CNTN5: variants seen among roughly 807,000 people sequenced by gnomAD.
CNTN5 encodes contactin 5, also known as contactin-5.
A neutral mutation model predicts 129.1 loss-of-function variants in CNTN5; 77 were observed. That is an observed-to-expected ratio of 0.60 (90% CI 0.50 to 0.72). The LOEUF is 0.72. CNTN5 is among the 30% of genes least tolerant of loss of function. The probability of loss-of-function intolerance (pLI) is 0.00; values close to 1 mark genes in which losing one functional copy is unlikely to be tolerated. For synonymous variants in CNTN5, 509 were observed against 465.6 expected (o/e 1.09, Z -1.20); for missense variants, 1,478 against 1,328.8 (o/e 1.11, Z -1.75).
At chr11:99,497,646 A>G (rs1427264671) in intron 2 of CNTN5, among the ~76,000 whole-genome samples, 3 of 152,204 alleles carry the variant, frequency 2.0e-5, no homozygotes, top group Non-Finnish European at 4.4e-5. Context: ...AACTCAATAT[A>G]TAATCCTAAG....
intron 21 of CNTN5, among the ~76,000 whole-genome samples, chr11:100,323,118 A>G (rs1384897295): frequency 6.6e-6 from 1 of 152,208 alleles, no homozygotes; most frequent in East Asian, 1.9e-4. Context: ...CTCAGTGTAA[A>G]AAGCTGCGAA....
chr11:100,204,296 TAATATATATATATATATATATATATA>T (rs1370891912), intron 15 of CNTN5, among the ~76,000 whole-genome samples: 2 of 15,294 alleles, frequency 1.3e-4, no homozygotes, highest in Admixed American at 2.7e-3. Flanking sequence ...AAACATTGAC[TAATATATATATATATATATATATATA>T]TATATATATA....
chr11:99,282,370 G>C (rs1863739136), intron 1 of CNTN5, among the ~76,000 whole-genome samples: 1 of 151,950 alleles, frequency 6.6e-6, no homozygotes, highest in Non-Finnish European at 1.5e-5. Context: ...TCTGAGTTGA[G>C]ACGTAAAAAT....
At chr11:99,627,901 A>G (rs1255010435) in intron 3 of CNTN5, among the ~76,000 whole-genome samples, 1 of 150,436 alleles carries the variant, frequency 6.6e-6, no homozygotes, top group Non-Finnish European at 1.5e-5. Flanking sequence ...ACCATTCACC[A>G]AAATAAAATT....
chr11:100,065,241 T>G (rs190657979), intron 10 of CNTN5, among the ~76,000 whole-genome samples: 3 of 152,270 alleles, frequency 2.0e-5, no homozygotes, highest in African/African-American at 7.2e-5. Flanking sequence ...TGTTAATCGC[T>G]TCTATCGTCT....
chr11:99,396,937 A>G (rs1476386728), intron 2 of CNTN5, among the ~76,000 whole-genome samples: 1 of 151,760 alleles, frequency 6.6e-6, no homozygotes, highest in Admixed American at 6.6e-5. Context: ...CCCATTTAGT[A>G]TGAACACTTT....
chr11:99,241,323 T>TG (rs1458619791), intron 1 of CNTN5, among the ~76,000 whole-genome samples: 74 of 148,488 alleles, frequency 5.0e-4, no homozygotes, highest in Non-Finnish European at 4.5e-4. Context: ...TGTTGGTTTT[T>TG]TTTTTTTTTT....
intron 23 of CNTN5, 38 bp downstream of exon 23, chr11:100,341,243 T>G: frequency 7.1e-7 from 1 of 1,400,108 alleles, no homozygotes; most frequent in Non-Finnish European, 1.0e-6. Flanking sequence ...GATACTCATC[T>G]CCGAAATTGT....
chr11:99,574,751 G>A lies in CNTN5; in HGVS notation c.55+18482G>A, dbSNP rs181589738. 7.2e-5 allele frequency among the ~76,000 whole-genome samples: 11 copies of A among 151,964 alleles called. No homozygotes were observed. In the East Asian group the frequency reaches 2.1e-3, roughly 29 times the overall value. ...TTATGTTCTTTGCCCACTTTTTGAT[G>A]GGGTTGTTTGTTTTTTTTTCCTGTA... is the stretch of plus-strand genomic sequence containing the variant. On this transcript the variant is annotated intron_variant, in intron 3 of 24. Coordinates refer to ENST00000524871, the MANE Select transcript of CNTN5 (RefSeq NM_014361.4).
At chr11:99,253,265 A>G (rs1043121344) in intron 1 of CNTN5, among the ~76,000 whole-genome samples, 2 of 151,978 alleles carry the variant, frequency 1.3e-5, no homozygotes, top group Non-Finnish European at 2.9e-5. Flanking sequence ...TTCGCCCCTT[A>G]TTCACCTCCC....
At chr11:99,432,169 C>T (rs534982133) in intron 2 of CNTN5, among the ~76,000 whole-genome samples, 50 of 152,188 alleles carry the variant, frequency 3.3e-4, no homozygotes, top group African/African-American at 1.1e-3. Flanking sequence ...TACTCAATTG[C>T]GGGCCTAAGA....
At chr11:99,443,546 T>C (rs1943928432) in intron 2 of CNTN5, among the ~76,000 whole-genome samples, 1 of 152,240 alleles carries the variant, frequency 6.6e-6, no homozygotes, top group African/African-American at 2.4e-5. Flanking sequence ...ATGTCACTTC[T>C]CATTTGTAAA....
chr11:100,141,460 C>A (rs2138257235), intron 13 of CNTN5, among the ~76,000 whole-genome samples: 1 of 152,198 alleles, frequency 6.6e-6, no homozygotes, highest in South Asian at 2.1e-4. Context: ...GTTCTTTTGA[C>A]CTCTCTTAAT....
At chr11:100,172,181 G>T (rs548455129) in intron 13 of CNTN5, among the ~76,000 whole-genome samples, 79 of 151,912 alleles carry the variant, frequency 5.2e-4, no homozygotes, top group African/African-American at 1.9e-3. Context: ...AAAACTAATA[G>T]TAGTTACTGT....
chr11:99,176,708 A>G (rs1857791721), intron 1 of CNTN5, among the ~76,000 whole-genome samples: 1 of 152,122 alleles, frequency 6.6e-6, no homozygotes, highest in Admixed American at 6.5e-5. Flanking sequence ...CACCACCTCC[A>G]CCACTACAAC....
In CNTN5 at chr11:99,956,987, G is replaced by T. The variant is rs1448252108; in HGVS notation, c.855G>T (p.Thr285=). The part of the protein sequence containing the change: ...VTNARVLSPP[T]PLTLRNDGVM... ...ATGCTAGAGTCCTTAGTCCTCCAAC[G>T]CCACTCACTCTGCGTAATGATGGTA... Residue 285 remains threonine, a synonymous_variant, in exon 8 of 25, where the codon ACG becomes ACT. Transcript: ENST00000524871. The T allele has an allele frequency of 1.2e-6, 2 of 1,613,578 alleles. No homozygotes were observed. Among genetic ancestry groups the T allele is most frequent in the Admixed American group, 1.7e-5 (1 of 59,980 alleles).
chr11:100,117,422 A>T (rs1334029546), intron 13 of CNTN5, among the ~76,000 whole-genome samples: 1 of 152,002 alleles, frequency 6.6e-6, no homozygotes, highest in Non-Finnish European at 1.5e-5. Context: ...CTCTGCTATG[A>T]GAAGAAAAAT....
chr11:99,695,610 A>C (rs1391349657), intron 3 of CNTN5, among the ~76,000 whole-genome samples: 2 of 152,040 alleles, frequency 1.3e-5, no homozygotes, highest in Non-Finnish European at 2.9e-5. Flanking sequence ...ACTAAGGGCC[A>C]GGCACGGTGG....
intron 2 of CNTN5, among the ~76,000 whole-genome samples, chr11:99,545,952 G>C (rs1948277598): frequency 6.6e-6 from 1 of 152,084 alleles, no homozygotes; most frequent in Non-Finnish European, 1.5e-5. Context: ...ATACAAATCT[G>C]TTCTCTTAAA....
Sources: gnomAD v4.1 joint callset for allele counts (sites outside exome capture counted in the v4.1 genomes callset) on GRCh38, gnomAD v4.1.1 for gene constraint, MANE v1.5 for transcripts, NCBI Gene and HGNC (gene_info 2026-07-23, HGNC 2026-07-21) for gene names.